IL22RA2: variants seen among roughly 807,000 people sequenced by gnomAD.
IL22RA2 encodes the protein interleukin 22 receptor subunit alpha 2.
A neutral mutation model predicts 30.7 loss-of-function variants in IL22RA2; 39 were observed. The ratio of observed to expected loss-of-function variants is 1.27; its 90% CI spans 0.98 to 1.66. The LOEUF (loss-of-function observed/expected upper bound fraction) is 1.66. Ranked by LOEUF, IL22RA2 falls within the 40% of genes most tolerant of loss-of-function variation. The pLI, the probability that IL22RA2 is intolerant of heterozygous loss-of-function variation, is 0.00. For synonymous variants in IL22RA2, 103 were observed against 105.0 expected (o/e 0.98, Z 0.11); for missense variants, 315 against 312.7 (o/e 1.01, Z -0.05).
chr6:137,159,077 T>C (rs1778467567), intron 2 of IL22RA2, among the ~76,000 whole-genome samples: 1 of 152,200 alleles, frequency 6.6e-6, no homozygotes, highest in African/African-American at 2.4e-5. Flanking sequence ...GAAATGGTCA[T>C]GCTAATGAGG....
chr6:137,149,812 T>G (rs1778253086), intron 5 of IL22RA2, among the ~76,000 whole-genome samples: 2 of 152,240 alleles, frequency 1.3e-5, no homozygotes, highest in African/African-American at 4.8e-5. Context: ...CTGCATGCTC[T>G]TCTTCAATAT....
At chr6:137,153,807 G>C (rs953967804) in intron 5 of IL22RA2, among the ~76,000 whole-genome samples, 2 of 152,030 alleles carry the variant, frequency 1.3e-5, no homozygotes, top group East Asian at 3.9e-4. Flanking sequence ...TGTAAGGTTA[G>C]GTCAAGCGGA....
chr6:137,157,021 G>A (rs558780253), intron 3 of IL22RA2, among the ~76,000 whole-genome samples, 167 bp from the exon 4 acceptor site: 3 of 152,224 alleles, frequency 2.0e-5, no homozygotes, highest in African/African-American at 7.2e-5. Flanking sequence ...CCATTCATGA[G>A]TGCTCCATCC....
intron 1 of IL22RA2, among the ~76,000 whole-genome samples, chr6:137,171,424 A>G (rs1282728795): frequency 2.0e-5 from 3 of 152,184 alleles, no homozygotes; most frequent in African/African-American, 7.2e-5. Flanking sequence ...AACCAAGACT[A>G]GAATGTAGGA....
chr6:137,147,764 T>C lies in IL22RA2; in HGVS notation c.600A>G (p.Glu200=), dbSNP rs142223239. ...EKNVSIEDYY[E]LLYRVFIINN... is the part of the protein sequence containing the mutation. ...TAATTATAAAAACTCGGTATAGTAG[T>C]TCATAGTAATCTTCTATAGATACAT... Residue 200 remains glutamate (E), a synonymous_variant, in exon 6 of 7, where the codon GAA becomes GAG. Coordinates refer to ENST00000296980, the MANE Select transcript of IL22RA2 (RefSeq NM_052962.3). The C allele has an allele frequency of 1.4e-3, 2,170 of 1,594,636 alleles. 33 individuals are homozygous for C. In the South Asian group the frequency reaches 0.019, roughly 14 times the overall value.
intron 2 of IL22RA2, among the ~76,000 whole-genome samples, chr6:137,161,363 TGAGAGCCAGAGAGAAAGA>T (rs1281269249): frequency 4.3e-4 from 65 of 150,734 alleles, no homozygotes; most frequent in African/African-American, 1.6e-3. Context: ...CTAAGGTGAG[TGAGAGCCAGAGAGAAAGA>T]GAGAGGGAGA....
At chr6:137,159,874 T>C (rs533424443) in intron 2 of IL22RA2, among the ~76,000 whole-genome samples, 1 of 152,248 alleles carries the variant, frequency 6.6e-6, no homozygotes, top group Non-Finnish European at 1.5e-5. Flanking sequence ...TCCAAGCCCA[T>C]GGTCTCAGCT....
chr6:137,149,013 C>T (rs1778235752), intron 5 of IL22RA2, among the ~76,000 whole-genome samples: 1 of 152,180 alleles, frequency 6.6e-6, no homozygotes, highest in Non-Finnish European at 1.5e-5. Flanking sequence ...TAGCACTTTA[C>T]TCTTTAACAG....
chr6:137,162,371 C>G (rs1337476945), intron 1 of IL22RA2, among the ~76,000 whole-genome samples: 1 of 152,164 alleles, frequency 6.6e-6, no homozygotes. Context: ...CCCTGCCGTA[C>G]TCTTCAGCCT....
Position 137,145,788 on chromosome 6 carries a change from G to C in IL22RA2, c.643-15C>G. On this transcript the variant is annotated splice_polypyrimidine_tract_variant and intron_variant, in intron 6 of 6. Coordinates refer to ENST00000296980, the MANE Select transcript of IL22RA2 (RefSeq NM_052962.3). ...ACCTTTTGCTCCTACACACGAGAGA[G>C]AAAATAATCAGTTGGTAAATGGCTG... 2 of 1,613,336 alleles carry C rather than the reference G, an allele frequency of 1.2e-6. No homozygotes were observed. Among genetic ancestry groups the C allele is most frequent in the Non-Finnish European group, 1.7e-6 (2 of 1,179,754 alleles).
At chr6:137,169,701 G>A (rs1778694112) in intron 1 of IL22RA2, among the ~76,000 whole-genome samples, 1 of 152,208 alleles carries the variant, frequency 6.6e-6, no homozygotes, top group Non-Finnish European at 1.5e-5. Context: ...GTTGCAAGCA[G>A]TTCTGGAAAT....
chr6:137,172,894 T>C (rs1778771794), intron 1 of IL22RA2, among the ~76,000 whole-genome samples: 1 of 152,182 alleles, frequency 6.6e-6, no homozygotes, highest in Admixed American at 6.5e-5. Context: ...AGCTACCTAT[T>C]ATAGTACTAC....
chr6:137,144,818 CT>C lies in IL22RA2; in HGVS notation c.*805del, dbSNP rs1778140413. ...ATGAGGTTTCCTTTCTTCTTTGTCA[CT>C]AAAAAAATTACATTTAATTTTGAGA... is the stretch of plus-strand genomic sequence containing the variant. On this transcript the variant is annotated 3_prime_UTR_variant, in exon 7 of 7. Transcript: ENST00000296980. The C allele has an allele frequency of 6.6e-6, 1 of 152,098 alleles. No homozygotes were observed. Among genetic ancestry groups the C allele is most frequent in the Admixed American group, 6.6e-5 (1 of 15,266 alleles). 9.4% of individuals were successfully genotyped at this position (152,098 alleles called of 1,614,324 possible). A position where few individuals can be genotyped will look rare whatever the true frequency, so the allele number is the denominator to read the frequency against.
intron 6 of IL22RA2, 79 bp downstream of exon 6, chr6:137,147,643 G>T: frequency 1.7e-6 from 2 of 1,151,084 alleles, no homozygotes; most frequent in Non-Finnish European, 2.4e-6. Context: ...TAGCAGAAGA[G>T]GACATCTCAT....
At position 137,144,183 on chromosome 6, in the gene IL22RA2, A is replaced by G. The variant is rs1778127990; in HGVS notation, c.*1441T>C. The G allele has an allele frequency of 6.6e-6, 1 of 152,242 alleles. No homozygotes were observed. The highest frequency in any genetic ancestry group is 2.4e-5 in the African/African-American group (1 of 41,454). 9.4% of individuals were successfully genotyped at this position (152,242 alleles called of 1,614,324 possible). A position where few individuals can be genotyped will look rare whatever the true frequency, so the allele number is the denominator to read the frequency against. ...AAATATAAATAATAAGAATTCAAAA[A>G]CAGAGATCAAAGTAAATTTTTTTTT... is the stretch of plus-strand genomic sequence containing the variant. On this transcript the variant is annotated 3_prime_UTR_variant, in exon 7 of 7. Coordinates refer to ENST00000296980, the MANE Select transcript of IL22RA2 (RefSeq NM_052962.3).
intron 6 of IL22RA2, 87 bp from the exon 7 acceptor site, chr6:137,145,860 T>C (rs1331187587): frequency 5.1e-6 from 7 of 1,384,248 alleles, no homozygotes; most frequent in Non-Finnish European, 7.1e-6. Context: ...AAGTTGTACA[T>C]GGTCACAGCA....
intron 1 of IL22RA2, among the ~76,000 whole-genome samples, chr6:137,162,644 G>A (rs944050751): frequency 1.3e-5 from 2 of 151,722 alleles, no homozygotes; most frequent in African/African-American, 2.4e-5. Context: ...TTTACTACAC[G>A]TGTTTAGAGA....
chr6:137,162,125 G>A (rs1163636870), intron 1 of IL22RA2, among the ~76,000 whole-genome samples: 2 of 152,146 alleles, frequency 1.3e-5, no homozygotes, highest in African/African-American at 4.8e-5. Flanking sequence ...AACTAGTGGG[G>A]CCTTAAGGGA....
chr6:137,155,145 T>G (rs2114366712), intron 4 of IL22RA2, 26 bp from the exon 5 acceptor site: 1 of 1,494,126 alleles, frequency 6.7e-7, no homozygotes, highest in South Asian at 1.4e-5. Context: ...GGCAAAGATC[T>G]GAGTTTCTTT....
Sources: gnomAD v4.1 joint callset for allele counts (sites outside exome capture counted in the v4.1 genomes callset) on GRCh38, gnomAD v4.1.1 for gene constraint, MANE v1.5 for transcripts, NCBI Gene and HGNC (gene_info 2026-07-23, HGNC 2026-07-21) for gene names.